PDE3B: variants seen among roughly 807,000 people sequenced by gnomAD.
PDE3B encodes phosphodiesterase 3B, also known as cGMP-inhibited 3',5'-cyclic phosphodiesterase 3B.
In PDE3B, 66 loss-of-function variants were observed where a neutral mutation model predicts 116.8. The observed-to-expected ratio is 0.56, with a 90% CI of 0.46 to 0.69. The LOEUF (loss-of-function observed/expected upper bound fraction) is 0.69. Among genes scored for constraint, PDE3B ranks in the 30% least tolerant of loss-of-function variants. PDE3B has a pLI of 0.00. For synonymous variants in PDE3B, 595 were observed against 533.6 expected (o/e 1.12, Z -1.59); for missense variants, 1,384 against 1,368.1 (o/e 1.01, Z -0.18).
At chr11:14,815,998 T>C (rs566330314) in intron 5 of PDE3B, among the ~76,000 whole-genome samples, 1 of 152,092 alleles carries the variant, frequency 6.6e-6, no homozygotes, top group Non-Finnish European at 1.5e-5. Context: ...AAGTTTGTTT[T>C]AAGGGATTGG....
At chr11:14,662,433 T>A (rs946824298) in intron 1 of PDE3B, among the ~76,000 whole-genome samples, 3 of 152,098 alleles carry the variant, frequency 2.0e-5, no homozygotes, top group Non-Finnish European at 4.4e-5. Context: ...AGCTCCTCAC[T>A]AGCAATGGAA....
intron 1 of PDE3B, among the ~76,000 whole-genome samples, chr11:14,768,970 G>A (rs73418613): frequency 0.09 from 13,654 of 151,338 alleles, 1,051 homozygotes; most frequent in African/African-American, 0.21. Flanking sequence ...CTCAAATTAC[G>A]CAGAAGGCAG....
At position 14,786,633 on chromosome 11, in the gene PDE3B, C is replaced by G; in HGVS notation, c.1226C>G (p.Pro409Arg). The G allele has an allele frequency of 1.1e-5, 17 of 1,612,516 alleles. No homozygotes were observed. The highest frequency in any genetic ancestry group is 1.4e-5 in the Non-Finnish European group (16 of 1,178,788). Residue 409 changes from proline (P) to arginine (R), a missense_variant, in exon 3 of 16, where the codon CCC (proline) becomes CGC (arginine). Coordinates refer to ENST00000282096, the MANE Select transcript of PDE3B (RefSeq NM_000922.4). ...CTCACACCATTTCCTGGATTTTACC[C>G]CTGTTCTGAAATAGAGGACCCAGCT... ...NPLTPFPGFY[P>R]CSEIEDPAEK... is the part of the protein sequence containing the mutation.
At chr11:14,793,371 A>G in intron 4 of PDE3B, among the ~76,000 whole-genome samples, 1 of 152,296 alleles carries the variant, frequency 6.6e-6, no homozygotes, top group East Asian at 1.9e-4. Flanking sequence ...ACGTGATTTT[A>G]TATAATATTT....
intron 5 of PDE3B, among the ~76,000 whole-genome samples, chr11:14,806,024 A>T (rs1038706154): frequency 6.6e-6 from 1 of 152,224 alleles, no homozygotes; most frequent in Non-Finnish European, 1.5e-5. Flanking sequence ...AGAAATAGGA[A>T]GGCTTTTACA....
intron 4 of PDE3B, among the ~76,000 whole-genome samples, chr11:14,801,326 T>C (rs984183533): frequency 1.3e-5 from 2 of 152,238 alleles, no homozygotes; most frequent in African/African-American, 4.8e-5. Flanking sequence ...GACCTTCAGA[T>C]GGGGTCTTTG....
the PDE3B span, among the ~76,000 whole-genome samples, chr11:14,884,684 T>C: frequency 6.6e-6 from 1 of 151,574 alleles, no homozygotes; most frequent in African/African-American, 2.4e-5. Context: ...AGTATAATAA[T>C]AATTTAAAAA....
chr11:14,846,985 C>T (rs910050979), intron 12 of PDE3B, among the ~76,000 whole-genome samples: 136 of 152,182 alleles, frequency 8.9e-4, no homozygotes, highest in African/African-American at 2.7e-3. Context: ...CTGCACCAAG[C>T]GGACCTAATA....
intron 2 of PDE3B, among the ~76,000 whole-genome samples, chr11:14,783,711 T>C (rs752936066): frequency 5.9e-5 from 9 of 151,902 alleles, no homozygotes; most frequent in Non-Finnish European, 1.0e-4. Context: ...TGTATACATA[T>C]GTAACAAACC....
intron 2 of PDE3B, chr11:14,773,823 A>ATC (rs1022425833): frequency 6.6e-6 from 1 of 152,144 alleles, no homozygotes; most frequent in Non-Finnish European, 1.5e-5. Context: ...TACTTGGTTT[A>ATC]TCTCTCTCTT....
chr11:14,789,826 G>T (rs1440657245), intron 4 of PDE3B, among the ~76,000 whole-genome samples: 1 of 151,966 alleles, frequency 6.6e-6, no homozygotes, highest in Non-Finnish European at 1.5e-5. Context: ...TGCAGGAGCT[G>T]AAATCTCCCG....
chr11:14,879,588 C>A, the PDE3B span: 1 of 625,816 alleles, frequency 1.6e-6, no homozygotes. Flanking sequence ...ATTATCTGGG[C>A]GTTCTATTGA....
At chr11:14,786,374 C>T (rs1858196665) in intron 2 of PDE3B, 63 bp from the exon 3 acceptor site, 5 of 1,222,656 alleles carry the variant, frequency 4.1e-6, no homozygotes, top group East Asian at 2.4e-5. Flanking sequence ...TAGAATTATA[C>T]CATTTGTTAT....
chr11:14,892,286 A>G, the PDE3B span: 1 of 1,392,594 alleles, frequency 7.2e-7, no homozygotes, highest in Middle Eastern at 2.5e-4. Flanking sequence ...TCCCATTGGC[A>G]GGATACCCTC....
the PDE3B span, among the ~76,000 whole-genome samples, chr11:14,889,164 G>GTT: frequency 3.1e-3 from 433 of 140,144 alleles, 2 homozygotes; most frequent in Non-Finnish European, 4.5e-3. Flanking sequence ...AAGTCCAGTT[G>GTT]TTTTTTTTTT....
chr11:14,682,467 G>GT (rs1854740264), intron 1 of PDE3B, among the ~76,000 whole-genome samples: 1 of 152,034 alleles, frequency 6.6e-6, no homozygotes, highest in Non-Finnish European at 1.5e-5. Flanking sequence ...CTGTAGTTTT[G>GT]TTTAAATGCC....
chr11:14,696,681 A>AACTCATCAAAATG (rs1855216607), intron 1 of PDE3B, among the ~76,000 whole-genome samples: 1 of 152,010 alleles, frequency 6.6e-6, no homozygotes, highest in Non-Finnish European at 1.5e-5. Context: ...GTAATTCTTT[A>AACTCATCAAAATG]TATTATGTAT....
chr11:14,692,706 T>C (rs1005303995), intron 1 of PDE3B, among the ~76,000 whole-genome samples: 2 of 152,162 alleles, frequency 1.3e-5, no homozygotes, highest in Non-Finnish European at 2.9e-5. Context: ...TTCTGACTGC[T>C]CTACCAGCTG....
the PDE3B span, chr11:14,880,906 G>A: frequency 1.6e-5 from 12 of 767,792 alleles, no homozygotes; most frequent in Admixed American, 9.0e-5. Flanking sequence ...GTTGGGTCCT[G>A]TTCTCAGCAA....
Sources: allele counts gnomAD v4.1 joint callset (sites outside exome capture counted in the v4.1 genomes callset), GRCh38; gene constraint gnomAD v4.1.1; transcripts MANE v1.5; gene names NCBI Gene and HGNC (gene_info 2026-07-23, HGNC 2026-07-21).